The following ADARB2 variants were observed in gnomAD, a reference collection of about 807,000 sequenced individuals.
The protein encoded by ADARB2 is adenosine deaminase RNA specific B2 (inactive), also known as inactive double-stranded RNA-specific editase B2.
In ADARB2, 25 loss-of-function variants were observed where a neutral mutation model predicts 62.2. That is an observed-to-expected ratio of 0.40 (90% CI 0.29 to 0.56). The LOEUF is 0.56. Among genes scored for constraint, ADARB2 ranks in the 20% least tolerant of loss-of-function variants. The pLI is 0.43. For missense variants in ADARB2, 1,071 were observed against 1,077.4 expected (o/e 0.99, Z 0.08); for synonymous variants, 572 against 500.8 (o/e 1.14, Z -1.90).
At chr10:1,602,927 A>C (rs1174869565) in intron 1 of ADARB2, among the ~76,000 whole-genome samples, 2 of 151,696 alleles carry the variant, frequency 1.3e-5, no homozygotes, top group East Asian at 2.0e-4. Context: ...ATATACATAG[A>C]TGCACATCAT....
In ADARB2 at chr10:1,424,646, C is replaced by CA. The variant is rs933022106; in HGVS notation, c.101-45487dup. ...GTCATGATGGTGCATCAGGAGTTTG[C>CA]AAAAAAAAAAGAGAGAGATAAATAA... On this transcript the variant is annotated intron_variant, in intron 1 of 9. Coordinates refer to ENST00000381312, the MANE Select transcript of ADARB2 (RefSeq NM_018702.4). Among the ~76,000 whole-genome samples, 147 of 143,532 alleles carry CA rather than the reference C, an allele frequency of 1.0e-3. 1 individual carries two copies. In the East Asian group the frequency reaches 0.014, roughly 13 times the overall value. 94.2% of individuals were successfully genotyped at this position (143,532 alleles called of 152,430 possible).
At chr10:1,606,090 A>G (rs137918472) in intron 1 of ADARB2, among the ~76,000 whole-genome samples, 3 of 152,352 alleles carry the variant, frequency 2.0e-5, no homozygotes, top group Non-Finnish European at 2.9e-5. Context: ...ACGCAATTCA[A>G]GATCATTCCC....
chr10:1,478,468 C>A (rs1474660180), intron 1 of ADARB2, among the ~76,000 whole-genome samples: 2 of 152,308 alleles, frequency 1.3e-5, no homozygotes, highest in Non-Finnish European at 2.9e-5. Flanking sequence ...GGAAAATGTC[C>A]TAAATCTAGA....
intron 6 of ADARB2, among the ~76,000 whole-genome samples, chr10:1,224,620 G>A (rs1407739470): frequency 3.9e-5 from 6 of 152,046 alleles, no homozygotes; most frequent in Non-Finnish European, 8.8e-5. Context: ...ATTCTGGTAT[G>A]TTGTGTCTTT....
rs185804598 is a variant in ADARB2, at chr10:1,637,443, G to A, written c.100+99608C>T. Among the ~76,000 whole-genome samples, 84 of 152,292 alleles carry A rather than the reference G, an allele frequency of 5.5e-4. 1 individual carries two copies. The East Asian group carries it at 0.011, about 19-fold the overall frequency. On this transcript the variant is annotated intron_variant, in intron 1 of 9. Coordinates refer to ENST00000381312, the MANE Select transcript of ADARB2 (RefSeq NM_018702.4). ...ATGAAACCCATTATACTCTTGAAAA[G>A]CAAATACACTTTCTTTTAGAAGATG...
intron 1 of ADARB2, among the ~76,000 whole-genome samples, chr10:1,581,721 T>C (rs568827418): frequency 1.6e-4 from 24 of 152,124 alleles, no homozygotes; most frequent in Admixed American, 7.8e-4. Context: ...ACACAGCACA[T>C]ACAGATGAGA....
intron 3 of ADARB2, among the ~76,000 whole-genome samples, chr10:1,276,747 C>A (rs888587816): frequency 6.6e-6 from 1 of 152,146 alleles, no homozygotes; most frequent in African/African-American, 2.4e-5. Flanking sequence ...AGCTCTGCAC[C>A]AAGCAGACCT....
At chr10:1,358,132 A>G (rs1029609772) in intron 3 of ADARB2, among the ~76,000 whole-genome samples, 2 of 152,250 alleles carry the variant, frequency 1.3e-5, no homozygotes, top group African/African-American at 4.8e-5. Flanking sequence ...AAGTGGCTTC[A>G]TCTTGACTTG....
intron 1 of ADARB2, among the ~76,000 whole-genome samples, chr10:1,451,535 C>T (rs1831038034): frequency 6.7e-6 from 1 of 150,096 alleles, no homozygotes; most frequent in Non-Finnish European, 1.5e-5. Flanking sequence ...GGAGGGGACA[C>T]ACCTGTTTGA....
intron 1 of ADARB2, among the ~76,000 whole-genome samples, chr10:1,616,580 T>C (rs1258431694): frequency 6.7e-6 from 1 of 148,790 alleles, no homozygotes; most frequent in Non-Finnish European, 1.5e-5. Context: ...ACCACCCTGC[T>C]GTGCTCTGCA....
At chr10:1,337,903 A>T (rs1383401568) in intron 3 of ADARB2, among the ~76,000 whole-genome samples, 1 of 152,212 alleles carries the variant, frequency 6.6e-6, no homozygotes, top group Non-Finnish European at 1.5e-5. Context: ...GGCCCAGCCC[A>T]GCCTTCTTCA....
intron 1 of ADARB2, among the ~76,000 whole-genome samples, chr10:1,481,730 G>A (rs376580907): frequency 6.0e-4 from 91 of 152,076 alleles, no homozygotes; most frequent in South Asian, 2.5e-3. Context: ...GGGGGCGGGT[G>A]CCTGTAATCC....
chr10:1,301,498 A>G (rs1188395088), intron 3 of ADARB2, among the ~76,000 whole-genome samples: 7 of 152,208 alleles, frequency 4.6e-5, no homozygotes, highest in Non-Finnish European at 2.9e-5. Flanking sequence ...AATGCCCAAT[A>G]TAAAACCGTT....
At chr10:1,219,846 G>GTAATGATGGTGGTGATGA (rs1830667500) in intron 6 of ADARB2, among the ~76,000 whole-genome samples, 2 of 114,022 alleles carry the variant, frequency 1.8e-5, no homozygotes, top group East Asian at 4.6e-4. Flanking sequence ...GATGATGATG[G>GTAATGATGGTGGTGATGA]TGATGGTGAT....
At chr10:1,295,927 G>A (rs947930093) in intron 3 of ADARB2, among the ~76,000 whole-genome samples, 26 of 152,304 alleles carry the variant, frequency 1.7e-4, no homozygotes, top group African/African-American at 3.1e-4. Context: ...CAAGCGCAAC[G>A]GCTCAGTCAG....
intron 1 of ADARB2, among the ~76,000 whole-genome samples, chr10:1,656,829 CT>C (rs1181850355): frequency 6.6e-6 from 1 of 151,574 alleles, no homozygotes; most frequent in Non-Finnish European, 1.5e-5. Context: ...ATCTTCAAGG[CT>C]TATTTATCCT....
intron 1 of ADARB2, among the ~76,000 whole-genome samples, chr10:1,432,381 G>A (rs1397964577): frequency 1.3e-5 from 2 of 151,950 alleles, no homozygotes; most frequent in African/African-American, 4.8e-5. Context: ...TGGCTGGCTA[G>A]AGGAAAAAGT....
chr10:1,634,254 C>A (rs181396845), intron 1 of ADARB2, among the ~76,000 whole-genome samples: 9 of 152,340 alleles, frequency 5.9e-5, no homozygotes, highest in Non-Finnish European at 1.0e-4. Flanking sequence ...TGTGAGAACA[C>A]TGGACATGGG....
At chr10:1,640,138 T>C (rs1032824927) in intron 1 of ADARB2, among the ~76,000 whole-genome samples, 1 of 152,244 alleles carries the variant, frequency 6.6e-6, no homozygotes, top group Non-Finnish European at 1.5e-5. Context: ...AGGGTGTTTT[T>C]CTGTTTCTCC....
Sources: gnomAD v4.1 joint callset for allele counts (sites outside exome capture counted in the v4.1 genomes callset) on GRCh38, gnomAD v4.1.1 for gene constraint, MANE v1.5 for transcripts, NCBI Gene and HGNC (gene_info 2026-07-23, HGNC 2026-07-21) for gene names.